Variants in PCSK5 observed in about 807,000 individuals in gnomAD.
PCSK5 encodes the protein proprotein convertase subtilisin/kexin type 5, also known as prohormone convertase 5.
A neutral mutation model predicts 233.2 loss-of-function variants in PCSK5; 129 were observed. The ratio of observed to expected loss-of-function variants is 0.55; its 90% CI spans 0.48 to 0.64. The LOEUF (loss-of-function observed/expected upper bound fraction) is 0.64, where lower values mean the gene tolerates loss of function less well. PCSK5 is among the 30% of genes least tolerant of loss of function. The pLI is 0.00. For synonymous variants in PCSK5, 825 were observed against 879.2 expected (o/e 0.94, Z 1.09); for missense variants, 2,076 against 2,430.1 (o/e 0.85, Z 3.06).
intron 24 of PCSK5, among the ~76,000 whole-genome samples, chr9:76,262,414 G>C (rs1001621167): frequency 3.3e-5 from 5 of 152,102 alleles, no homozygotes; most frequent in South Asian, 2.1e-4. Context: ...GCATGGTACT[G>C]GTACCAAAAC....
intron 33 of PCSK5, among the ~76,000 whole-genome samples, chr9:76,329,683 A>G (rs1349505525): frequency 6.6e-6 from 1 of 151,856 alleles, no homozygotes; most frequent in African/African-American, 2.4e-5. Context: ...AAATACAAAA[A>G]TTAGCCAGGT....
chr9:75,917,170 G>GA (rs34529382), intron 1 of PCSK5, among the ~76,000 whole-genome samples: 36,537 of 103,988 alleles, frequency 0.35, 5,975 homozygotes, highest in Middle Eastern at 0.46. Flanking sequence ...CTCCGTCTCA[G>GA]AAAAAAAAAA....
intron 36 of PCSK5, 53 bp downstream of exon 36, chr9:76,350,981 A>C (rs2131520094): frequency 1.1e-6 from 1 of 870,834 alleles, no homozygotes; most frequent in East Asian, 2.5e-5. Context: ...GGGAAACATG[A>C]GCTTACTTCC....
chr9:76,330,254 T>A (rs1829486695), intron 33 of PCSK5, among the ~76,000 whole-genome samples: 1 of 152,160 alleles, frequency 6.6e-6, no homozygotes, highest in Non-Finnish European at 1.5e-5. Context: ...ATTGCTAATA[T>A]GAAACAATGT....
chr9:76,046,161 T>G (rs2487136), intron 5 of PCSK5, among the ~76,000 whole-genome samples: 7 of 13,416 alleles, frequency 5.2e-4, no homozygotes, highest in African/African-American at 2.3e-3. Context: ...TTTTCTTTTG[T>G]TTTTTTTTTT....
At chr9:76,008,447 T>G (rs1184614364) in intron 3 of PCSK5, among the ~76,000 whole-genome samples, 1 of 151,888 alleles carries the variant, frequency 6.6e-6, no homozygotes, top group Non-Finnish European at 1.5e-5. Flanking sequence ...AATAGAACAC[T>G]GCATATTTCC....
intron 7 of PCSK5, among the ~76,000 whole-genome samples, chr9:76,072,920 C>G (rs1221456252): frequency 6.6e-6 from 1 of 152,158 alleles, no homozygotes; most frequent in Non-Finnish European, 1.5e-5. Flanking sequence ...TTCTTACTAG[C>G]GTTACATAGA....
At chr9:76,181,130 A>G (rs1823852846) in intron 15 of PCSK5, among the ~76,000 whole-genome samples, 1 of 152,186 alleles carries the variant, frequency 6.6e-6, no homozygotes, top group South Asian at 2.1e-4. Flanking sequence ...CTCTGTAACC[A>G]TCATCATTTT....
intron 3 of PCSK5, among the ~76,000 whole-genome samples, chr9:76,019,283 ACTC>A (rs1470285813): frequency 2.6e-5 from 4 of 151,822 alleles, no homozygotes; most frequent in Non-Finnish European, 5.9e-5. Context: ...ACTTCCAACA[ACTC>A]CTGAACTCCA....
intron 9 of PCSK5, among the ~76,000 whole-genome samples, chr9:76,119,797 C>T (rs1354128682): frequency 6.6e-6 from 1 of 151,860 alleles, no homozygotes; most frequent in Non-Finnish European, 1.5e-5. Context: ...ACAAATAATC[C>T]AATCACTCTT....
At chr9:76,089,467 G>A (rs1457164171) in intron 7 of PCSK5, among the ~76,000 whole-genome samples, 2 of 152,278 alleles carry the variant, frequency 1.3e-5, no homozygotes, top group East Asian at 3.9e-4. Context: ...ATTACTTAAT[G>A]TTATCAGTTT....
rs111437037 is a variant in PCSK5, at chr9:76,327,003, A to G, written c.4340-1006A>G. On this transcript the variant is annotated intron_variant, in intron 32 of 37. Transcript: ENST00000674117. ...GATGGTCGGCCTGGTGCAGTGGCTC[A>G]TGCCTGTAATCCCAGCCCTTTGGGA... Among the ~76,000 whole-genome samples the G allele has an allele frequency of 3.3e-5, 5 of 152,242 alleles. No individual in the cohort carries two copies. The East Asian group carries it at 5.8e-4, about 18-fold the overall frequency.
chr9:76,121,814 GTTTTTTTTTTTTT>G lies in PCSK5; in HGVS notation c.1209-12280_1209-12268del, dbSNP rs568155033. On this transcript the variant is annotated intron_variant, in intron 9 of 37. Coordinates refer to ENST00000674117, the MANE Select transcript of PCSK5 (RefSeq NM_001372043.1). ...AATACTATAAACATCTCTTGTATTG[GTTTTTTTTTTTTT>G]TTTTTTTTTTTTTTGAGACGGAGTC... 1.3e-4 allele frequency among the ~76,000 whole-genome samples: 8 copies of G among 61,756 alleles called. 1 individual carries two copies. The highest frequency in any genetic ancestry group is 2.9e-4 in the Non-Finnish European group (8 of 27,390). 40.5% of individuals were successfully genotyped at this position (61,756 alleles called of 152,430 possible). A position where few individuals can be genotyped will look rare whatever the true frequency, so the allele number is the denominator to read the frequency against.
At chr9:76,070,401 A>G (rs1178939040) in intron 6 of PCSK5, among the ~76,000 whole-genome samples, 1 of 152,230 alleles carries the variant, frequency 6.6e-6, no homozygotes, top group East Asian at 1.9e-4. Context: ...AAGACAGTCA[A>G]GAGACATTAA....
intron 7 of PCSK5, among the ~76,000 whole-genome samples, chr9:76,094,918 C>A (rs1398720674): frequency 1.3e-5 from 2 of 152,146 alleles, no homozygotes; most frequent in Non-Finnish European, 2.9e-5. Context: ...CCAAGAAATT[C>A]TTTTAGTTAT....
At chr9:76,277,381 T>C (rs1011241642) in intron 24 of PCSK5, among the ~76,000 whole-genome samples, 7 of 152,226 alleles carry the variant, frequency 4.6e-5, no homozygotes, top group African/African-American at 1.7e-4. Flanking sequence ...CACTTCTACC[T>C]GCTAGTCAGT....
intron 3 of PCSK5, among the ~76,000 whole-genome samples, chr9:75,992,413 A>G (rs753335616): frequency 6.6e-6 from 1 of 152,216 alleles, no homozygotes; most frequent in African/African-American, 2.4e-5. Flanking sequence ...TAGAAATGAC[A>G]CTTGGCTGAA....
chr9:76,168,970 T>G (rs1379107611), intron 12 of PCSK5, among the ~76,000 whole-genome samples: 1 of 152,218 alleles, frequency 6.6e-6, no homozygotes, highest in Admixed American at 6.5e-5. Context: ...ATGTAGTCTT[T>G]TGTATCTGGC....
intron 20 of PCSK5, among the ~76,000 whole-genome samples, chr9:76,190,140 T>C (rs772473006): frequency 1.3e-5 from 2 of 152,182 alleles, no homozygotes; most frequent in Non-Finnish European, 2.9e-5. Flanking sequence ...TTACAGTTGA[T>C]AAACCTACAG....
Sources: allele counts gnomAD v4.1 joint callset (sites outside exome capture counted in the v4.1 genomes callset), GRCh38; gene constraint gnomAD v4.1.1; transcripts MANE v1.5; gene names NCBI Gene and HGNC (gene_info 2026-07-23, HGNC 2026-07-21).